The following PINLYP variants were observed in gnomAD, a reference collection of about 807,000 sequenced individuals.
The protein encoded by PINLYP is phospholipase A2 inhibitor and LY6/PLAUR domain containing.
Under a neutral mutation model 15.8 loss-of-function variants are expected in PINLYP, and 12 were observed. The ratio of observed to expected loss-of-function variants is 0.76; its 90% CI spans 0.49 to 1.23. PINLYP has a LOEUF of 1.23. Ranked by LOEUF, PINLYP falls within the 50% of genes most tolerant of loss-of-function variation. PINLYP has a pLI of 0.00. For missense variants in PINLYP, 278 were observed against 264.2 expected (o/e 1.05, Z -0.36); for synonymous variants, 93 against 97.7 (o/e 0.95, Z 0.28).
intron 3 of PINLYP, 73 bp downstream of exon 3, chr19:43,578,779 A>ATCCCCCCTCAGCAT: frequency 8.6e-7 from 1 of 1,164,204 alleles, no homozygotes; most frequent in Non-Finnish European, 1.2e-6. Flanking sequence ...TACCATGCTG[A>ATCCCCCCTCAGCAT]GGGGGGATCA....
At chr19:43,580,725 C>A in intron 3 of PINLYP, 2 of 971,484 alleles carry the variant, frequency 2.1e-6, no homozygotes, top group Non-Finnish European at 2.4e-6. Flanking sequence ...GCTATGGCAG[C>A]GGGAGGGAGG....
exon 4 of PINLYP, chr19:43,581,278 T>C: frequency 3.3e-6 from 5 of 1,537,148 alleles, no homozygotes; most frequent in Non-Finnish European, 1.7e-6. Context: ...TCCGGCGTTA[T>C]ATCCACCACC....
chr19:43,580,446 T>C (rs1972916246), intron 3 of PINLYP: 3 of 804,784 alleles, frequency 3.7e-6, no homozygotes, highest in Non-Finnish European at 4.5e-6. Flanking sequence ...TGGCAGGATC[T>C]GAGAGAGGAG....
intron 3 of PINLYP, 104 bp downstream of exon 3, chr19:43,578,810 G>A (rs936213124): frequency 2.3e-6 from 2 of 853,056 alleles, no homozygotes; most frequent in South Asian, 2.9e-5. Flanking sequence ...CAAGACGGGA[G>A]CGTGGGAAGA....
upstream of PINLYP, chr19:43,575,565 C>G: frequency 8.0e-7 from 1 of 1,250,508 alleles, no homozygotes; most frequent in South Asian, 1.5e-5. Context: ...GGCTAAAGTG[C>G]GCAAGCGCGC....
Position 43,581,194 on chromosome 19 carries a change from C to T in PINLYP, c.188-18C>T. On this transcript the variant is annotated intron_variant, in intron 3 of 5. Coordinates refer to ENST00000599207, the Ensembl canonical transcript of PINLYP. ...GAGTGGTCAGCCAGCACTGTCCCTGCCTGTCCCCATCCCACAGAGGGCAAG... is the reference window on the plus strand; with the variant it reads ...GAGTGGTCAGCCAGCACTGTCCCTGTCTGTCCCCATCCCACAGAGGGCAAG... 1 of 1,535,818 alleles carries T rather than the reference C, an allele frequency of 6.5e-7. No homozygotes were observed. Among genetic ancestry groups the T allele is most frequent in the Non-Finnish European group, 8.7e-7 (1 of 1,146,388 alleles).
chr19:43,576,993 C>A, intron 1 of PINLYP, 74 bp downstream of exon 1: 1 of 960,938 alleles, frequency 1.0e-6, no homozygotes, highest in Non-Finnish European at 1.5e-6. Flanking sequence ...CTGGGGTCTC[C>A]ATGGAGGTGG....
In PINLYP at chr19:43,576,329, C is replaced by CCA. The variant is rs139820055; in HGVS notation, c.-654_-653dup. ...CTGCACTCTTCTCTCTGTCCCCTTG[C>CCA]CACACACACACACACGCACATATAC... On this transcript the variant is annotated 5_prime_UTR_variant, in exon 1 of 6. It introduces an in-frame stop codon into an upstream open reading frame of the 5' UTR. Transcript: ENST00000599207. 2.6e-3 allele frequency among the ~76,000 whole-genome samples: 392 copies of CCA among 151,438 alleles called. 1 individual carries two copies. The highest frequency in any genetic ancestry group is 6.8e-3 in the Middle Eastern group (2 of 292).
chr19:43,580,770 A>G (rs1972920646), intron 3 of PINLYP: 1 of 870,460 alleles, frequency 1.1e-6, no homozygotes, highest in African/African-American at 1.8e-5. Flanking sequence ...CATGCACCAG[A>G]CAGATTTGGC....
At chr19:43,581,819 G>A (rs753683018) in intron 5 of PINLYP, 49 bp from the exon 6 acceptor site, 66 of 1,535,328 alleles carry the variant, frequency 4.3e-5, no homozygotes, top group Non-Finnish European at 5.3e-5. Context: ...GGGATTATGA[G>A]GAAGAAGGGG....
At position 43,577,278 on chromosome 19, in the gene PINLYP, C is replaced by T; in HGVS notation, c.70+17C>T. On this transcript the variant is annotated intron_variant, in intron 2 of 5. Transcript: ENST00000599207. ...TGGGTCTTGGTAAGTGACAAGGGAC[C>T]TGAACTGTCTCTGGGACCTCAGGAA... 6.5e-7 allele frequency: 1 copy of T among 1,534,634 alleles called. No individual in the cohort carries two copies.
Position 43,577,103 on chromosome 19 carries a change from T to C in PINLYP, c.-77-12T>C. 1 of 1,534,900 alleles carries C rather than the reference T, an allele frequency of 6.5e-7. No homozygotes were observed. The highest frequency in any genetic ancestry group is 1.2e-5 in the South Asian group (1 of 83,994). ...TGCCCTGGGTTCTGACCTCAGCTATTTCTCCCCGTAGGGTGAATGTGGGTC... is the reference window on the plus strand; with the variant it reads ...TGCCCTGGGTTCTGACCTCAGCTATCTCTCCCCGTAGGGTGAATGTGGGTC... On this transcript the variant is annotated splice_polypyrimidine_tract_variant and intron_variant, in intron 1 of 5. Transcript: ENST00000599207.
At chr19:43,575,519 A>AG (rs1806930096), upstream of PINLYP, 3 of 1,427,992 alleles carry the variant, frequency 2.1e-6, no homozygotes, top group Non-Finnish European at 2.9e-6. Flanking sequence ...TCCGAGGGGC[A>AG]GGGAGAGTGG....
chr19:43,577,164 G>A lies in PINLYP; in HGVS notation c.-28G>A. On this transcript the variant is annotated 5_prime_UTR_variant, in exon 2 of 6. The change creates a premature stop within an existing upstream ORF in the 5' untranslated region. Transcript: ENST00000599207. ...CCTCCTCAGCTTCCTATAAAAGCTG[G>A]GGACCAGGTACTGCTGATACACACA... 6.5e-7 allele frequency: 1 copy of A among 1,535,992 alleles called. No individual in the cohort carries two copies. The highest frequency in any genetic ancestry group is 2.0e-5 in the Admixed American group (1 of 50,986).
At chr19:43,578,629 G>C in exon 3 of PINLYP, 1 of 1,536,078 alleles carries the variant, frequency 6.5e-7, no homozygotes, top group Non-Finnish European at 8.7e-7. Context: ...GCGGCGGGGA[G>C]CAGGTGCCAT....
At chr19:43,580,746 A>G in intron 3 of PINLYP, 3 of 905,412 alleles carry the variant, frequency 3.3e-6, no homozygotes, top group Non-Finnish European at 4.0e-6. Context: ...GCTACCTAAG[A>G]AAGCACTCCA....
upstream of PINLYP, chr19:43,575,627 GC>G: frequency 1.8e-6 from 1 of 542,334 alleles, no homozygotes. Flanking sequence ...TCGACACTGC[GC>G]AAGCCCAGTC....
exon 4 of PINLYP, chr19:43,581,282 C>T (rs1242782505): frequency 1.4e-5 from 22 of 1,537,132 alleles, no homozygotes; most frequent in Non-Finnish European, 1.9e-5. Flanking sequence ...GCGTTATATC[C>T]ACCACCATGG....
chr19:43,576,045 G>C (rs1281586490), exon 1 of PINLYP: 1 of 152,062 alleles, frequency 6.6e-6, no homozygotes, highest in Non-Finnish European at 1.5e-5. Flanking sequence ...GGGATTACAC[G>C]CACGCGCCAC....
Sources: allele counts gnomAD v4.1 joint callset (sites outside exome capture counted in the v4.1 genomes callset), GRCh38; gene constraint gnomAD v4.1.1; transcripts MANE v1.5; gene names NCBI Gene and HGNC (gene_info 2026-07-23, HGNC 2026-07-21).